The following OTOA variants were observed in gnomAD, a reference collection of about 807,000 sequenced individuals.
OTOA encodes the protein otoancorin.
Under a neutral mutation model 110.8 loss-of-function variants are expected in OTOA, and 70 were observed. The observed-to-expected ratio is 0.63, with a 90% CI of 0.52 to 0.77. OTOA has a LOEUF of 0.77. Ranked by LOEUF, OTOA falls within the 30% of genes least tolerant of loss-of-function variation. The pLI, the probability that OTOA is intolerant of heterozygous loss-of-function variation, is 0.00. For missense variants in OTOA, 917 were observed against 1,075.8 expected, an observed-to-expected ratio of 0.85 and a Z score of 2.06; for synonymous variants, 373 against 431.5, an observed-to-expected ratio of 0.86 and a Z score of 1.68.
chr16:21,685,202 AC>A (rs755591042), intron 6 of OTOA, 27 bp from the exon 7 acceptor site: 2 of 1,608,892 alleles, frequency 1.2e-6, no homozygotes, highest in Non-Finnish European at 1.7e-6. Flanking sequence ...TTCTGTTCTC[AC>A]CGACTCTCCC....
At chr16:21,723,712 C>T (rs1025758361) in intron 18 of OTOA, among the ~76,000 whole-genome samples, 10 of 152,104 alleles carry the variant, frequency 6.6e-5, no homozygotes, top group Non-Finnish European at 1.3e-4. Context: ...AGGCATGGCT[C>T]GATCTAGGGG....
chr16:21,700,902 C>G lies in OTOA; in HGVS notation c.855C>G (p.Ile285Met). The change falls in exon 11 of 29, where the codon ATC becomes ATG. Residue 285 changes from isoleucine (I) to methionine (M), a missense_variant. Transcript: ENST00000646100. Reference protein sequence around the residue: ...KISPIEIGLFISYDNATKQLD... With the variant: ...KISPIEIGLFMSYDNATKQLD... ...CCACCAACTAGATTGGGCTGTTTAT[C>G]AGCTATGACAACGCCACCAAGCAGC... The G allele has an allele frequency of 6.2e-7, 1 of 1,614,050 alleles. No homozygotes were observed. Among genetic ancestry groups the G allele is most frequent in the Non-Finnish European group, 8.5e-7 (1 of 1,180,020 alleles).
intron 21 of OTOA, among the ~76,000 whole-genome samples, chr16:21,735,375 G>A (rs917240295): frequency 1.8e-4 from 28 of 151,830 alleles, no homozygotes; most frequent in African/African-American, 6.3e-4. Flanking sequence ...GAGAACGCAC[G>A]CACTATTGTG....
At chr16:21,723,444 C>CAA (rs56405428) in intron 18 of OTOA, among the ~76,000 whole-genome samples, 5 of 141,804 alleles carry the variant, frequency 3.5e-5, no homozygotes, top group Admixed American at 7.0e-5. Flanking sequence ...TTCGTTCATT[C>CAA]AAAAAAAAAA....
At chr16:21,675,089 C>T (rs1304174800) in intron 1 of OTOA, among the ~76,000 whole-genome samples, 2 of 122,432 alleles carry the variant, frequency 1.6e-5, no homozygotes, top group Non-Finnish European at 3.5e-5. Flanking sequence ...TTCTTTCTTT[C>T]TTTCTTTCTT....
chr16:21,701,055 G>T, intron 11 of OTOA, 28 bp downstream of exon 11: 1 of 1,613,982 alleles, frequency 6.2e-7, no homozygotes, highest in Non-Finnish European at 8.5e-7. Flanking sequence ...GGGCCTTGGA[G>T]CCCTTTCCCA....
intron 18 of OTOA, among the ~76,000 whole-genome samples, chr16:21,724,328 G>C (rs1377920593): frequency 1.3e-5 from 2 of 152,250 alleles, no homozygotes; most frequent in East Asian, 3.9e-4. Flanking sequence ...ATGCTGGATA[G>C]AGAGTTTAAG....
intron 22 of OTOA, among the ~76,000 whole-genome samples, chr16:21,737,846 A>G (rs1178604978): frequency 1.3e-5 from 2 of 152,306 alleles, no homozygotes; most frequent in Non-Finnish European, 1.5e-5. Flanking sequence ...TATTATTACC[A>G]TGCACCTACT....
chr16:21,673,952 C>G (rs1326601915), intron 1 of OTOA, among the ~76,000 whole-genome samples: 1 of 152,020 alleles, frequency 6.6e-6, no homozygotes, highest in East Asian at 1.9e-4. Flanking sequence ...CGCCCACCAC[C>G]ACGCCTAGCT....
intron 1 of OTOA, among the ~76,000 whole-genome samples, chr16:21,666,022 T>A (rs2141642320): frequency 6.6e-6 from 1 of 151,980 alleles, no homozygotes; most frequent in East Asian, 1.9e-4. Context: ...GGAGTCTCCC[T>A]ATGTTGCCCA....
chr16:21,719,378 G>C lies in OTOA; in HGVS notation c.1689-9G>C, dbSNP rs367674411. On this transcript the variant is annotated splice_polypyrimidine_tract_variant and intron_variant, in intron 16 of 28. Coordinates refer to ENST00000646100, the MANE Select transcript of OTOA (RefSeq NM_144672.4). ...CTTCCTCTCCCGAGTGCCTTGTTTTGTTTTCTAGTGCTGGGCAGCTGGTCA... is the reference window on the plus strand; with the variant it reads ...CTTCCTCTCCCGAGTGCCTTGTTTTCTTTTCTAGTGCTGGGCAGCTGGTCA... 1 of 1,613,428 alleles carries C rather than the reference G, an allele frequency of 6.2e-7. No individual in the cohort carries two copies. The highest frequency in any genetic ancestry group is 1.3e-5 in the African/African-American group (1 of 74,834).
At chr16:21,726,998 A>C in intron 19 of OTOA, 1 of 299,988 alleles carries the variant, frequency 3.3e-6, no homozygotes. Flanking sequence ...GGGGAGTAGC[A>C]CATCCCCCTT....
At position 21,689,487 on chromosome 16, in the gene OTOA, G is replaced by A. The variant is rs188902583; in HGVS notation, c.635+1839G>A. On this transcript the variant is annotated intron_variant, in intron 8 of 28. Transcript: ENST00000646100. The stretch of plus-strand genomic sequence containing the variant: ...TGGTTACTGCTCACCTGAGTAAGCA[G>A]TAAGCCCAAGTGGCAGAAAAACCCA... Among the ~76,000 whole-genome samples the A allele has an allele frequency of 5.3e-5, 8 of 152,252 alleles. 1 individual carries two copies. Among genetic ancestry groups the A allele is most frequent in the Middle Eastern group, 3.4e-3 (1 of 294 alleles).
At chr16:21,670,554 A>T (rs1215595978) in intron 1 of OTOA, among the ~76,000 whole-genome samples, 1 of 152,090 alleles carries the variant, frequency 6.6e-6, no homozygotes, top group Non-Finnish European at 1.5e-5. Flanking sequence ...TCACTCCCTG[A>T]CATAATATAG....
At chr16:21,710,244 A>C (rs892320110) in intron 13 of OTOA, 141 bp downstream of exon 13, 1 of 978,562 alleles carries the variant, frequency 1.0e-6, no homozygotes, top group Non-Finnish European at 1.5e-6. Flanking sequence ...GGAGACTGGG[A>C]AGTCCAACAT....
At chr16:21,689,872 G>A (rs1052457269) in intron 8 of OTOA, among the ~76,000 whole-genome samples, 1 of 152,074 alleles carries the variant, frequency 6.6e-6, no homozygotes, top group African/African-American at 2.4e-5. Flanking sequence ...TTTTAGTAGA[G>A]ACAGAGTTTC....
chr16:21,693,189 G>A (rs974030700), intron 9 of OTOA, among the ~76,000 whole-genome samples: 4 of 152,148 alleles, frequency 2.6e-5, no homozygotes, highest in South Asian at 4.1e-4. Flanking sequence ...ACTTGAGCCC[G>A]GGAGGCAGAA....
chr16:21,718,864 C>A (rs959496920), intron 15 of OTOA, among the ~76,000 whole-genome samples: 12 of 152,122 alleles, frequency 7.9e-5, no homozygotes, highest in Non-Finnish European at 1.6e-4. Context: ...CCAGCCCTGC[C>A]ACCAATGTCT....
Position 21,728,109 on chromosome 16 carries a change from T to C in OTOA, c.2017-132T>C, listed in dbSNP as rs4408531. On this transcript the variant is annotated intron_variant, in intron 19 of 28. Coordinates refer to ENST00000646100, the MANE Select transcript of OTOA (RefSeq NM_144672.4). ...CGAACTCCTGGCCTCAAATGATCTGTCTGCCTCGGCCTCCCAGAGTGCTGG... is the reference window on the plus strand; with the variant it reads ...CGAACTCCTGGCCTCAAATGATCTGCCTGCCTCGGCCTCCCAGAGTGCTGG... 462,572 of 1,102,626 alleles carry C rather than the reference T, an allele frequency of 0.42. 98,882 individuals carry two copies. The highest frequency in any genetic ancestry group is 0.43 in the Middle Eastern group (2,197 of 5,098). 68.3% of individuals were successfully genotyped at this position (1,102,626 alleles called of 1,614,324 possible).
Sources: allele counts gnomAD v4.1 joint callset (sites outside exome capture counted in the v4.1 genomes callset), GRCh38; gene constraint gnomAD v4.1.1; transcripts MANE v1.5; gene names NCBI Gene and HGNC (gene_info 2026-07-23, HGNC 2026-07-21).